Variants in MED17 observed in about 807,000 individuals in gnomAD.
MED17 encodes mediator complex subunit 17.
A neutral mutation model predicts 80.8 loss-of-function variants in MED17; 49 were observed. The observed-to-expected ratio is 0.61, with a 90% CI of 0.48 to 0.77. MED17 has a LOEUF of 0.77. Among genes scored for constraint, MED17 ranks in the 30% least tolerant of loss-of-function variants. The pLI, the probability that MED17 is intolerant of heterozygous loss-of-function variation, is 0.00. For synonymous variants in MED17, 281 were observed against 280.4 expected (o/e 1.00, Z -0.02); for missense variants, 718 against 787.0 (o/e 0.91, Z 1.05).
intron 9 of MED17, among the ~76,000 whole-genome samples, chr11:93,803,752 G>C (rs1943987060): frequency 6.6e-6 from 1 of 151,936 alleles, no homozygotes. Flanking sequence ...GAATTGTTTA[G>C]ACTTAGAACT....
chr11:93,793,466 G>C, intron 3 of MED17: 1 of 371,886 alleles, frequency 2.7e-6, no homozygotes, highest in Non-Finnish European at 4.9e-6. Flanking sequence ...AAACAATTTG[G>C]ATTTTCTGTG....
At chr11:93,794,199 A>T (rs1044717683) in intron 5 of MED17, 164 bp downstream of exon 5, 20 of 328,206 alleles carry the variant, frequency 6.1e-5, no homozygotes, top group African/African-American at 1.4e-4. Flanking sequence ...TAGCTGTGCA[A>T]TTTTTTTTTT....
chr11:93,807,270 G>A (rs1424639467), intron 9 of MED17: 10 of 405,536 alleles, frequency 2.5e-5, no homozygotes, highest in Admixed American at 3.9e-5. Context: ...AAAATTAGCC[G>A]GGCATGATGG....
intron 8 of MED17, 156 bp from the exon 9 acceptor site, chr11:93,801,679 A>C (rs1325808160): frequency 3.4e-5 from 23 of 675,874 alleles, no homozygotes; most frequent in Non-Finnish European, 5.9e-5. Context: ...AAGGGTTCTT[A>C]GAGCTACCTC....
chr11:93,812,838 G>A lies in MED17; in HGVS notation c.*774G>A, dbSNP rs921607205. On this transcript the variant is annotated 3_prime_UTR_variant, in exon 12 of 12. Coordinates refer to ENST00000251871, the MANE Select transcript of MED17 (RefSeq NM_004268.5). ...AAGAACATCCTCAGAAAGGACAGCT[G>A]AAGGCAATAGGAGGCAGATTATCTC... 2 of 152,282 alleles carry A rather than the reference G, an allele frequency of 1.3e-5. No individual in the cohort carries two copies. The highest frequency in any genetic ancestry group is 2.9e-5 in the Non-Finnish European group (2 of 68,130). The allele number at this position is 152,282 out of a possible 1,614,324, so 9.4% of individuals were successfully genotyped here. A position where few individuals can be genotyped will look rare whatever the true frequency, so the allele number is the denominator to read the frequency against.
intron 9 of MED17, chr11:93,807,175 G>A (rs1169019292): frequency 4.3e-6 from 1 of 233,042 alleles, no homozygotes; most frequent in East Asian, 1.1e-4. Flanking sequence ...ACTTTGGGAG[G>A]CCGAGGCAGG....
intron 2 of MED17, chr11:93,790,297 G>T (rs746534092): frequency 3.8e-6 from 2 of 526,898 alleles, no homozygotes; most frequent in South Asian, 3.1e-5. Context: ...AGGAATGGCA[G>T]TACATTAAGA....
intron 1 of MED17, 135 bp from the exon 2 acceptor site, chr11:93,787,866 T>C: frequency 1.3e-6 from 1 of 776,206 alleles, no homozygotes; most frequent in South Asian, 1.5e-5. Flanking sequence ...GTAGAGGAGA[T>C]GGCATAAATA....
intron 8 of MED17, chr11:93,801,045 G>T (rs992420414): frequency 1.3e-5 from 2 of 152,192 alleles, no homozygotes; most frequent in African/African-American, 4.8e-5. Context: ...TGATTAGTGT[G>T]TATAAGATTA....
chr11:93,802,486 A>T (rs1943973135), intron 9 of MED17, among the ~76,000 whole-genome samples: 1 of 152,160 alleles, frequency 6.6e-6, no homozygotes, highest in South Asian at 2.1e-4. Context: ...ATGAGAGGTA[A>T]CAATGTCTAA....
At chr11:93,788,222 C>A (rs951193666) in intron 2 of MED17, 55 bp downstream of exon 2, 3 of 1,484,202 alleles carry the variant, frequency 2.0e-6, no homozygotes, top group Non-Finnish European at 2.8e-6. Flanking sequence ...TCCCAGGACC[C>A]TTTTTTGGCT....
intron 2 of MED17, chr11:93,789,489 T>G (rs534150010): frequency 1.5e-4 from 23 of 152,352 alleles, no homozygotes; most frequent in African/African-American, 5.0e-4. Flanking sequence ...ATCAAAAGAT[T>G]ATTTTGATAT....
chr11:93,798,099 C>G (rs933192949), intron 8 of MED17, among the ~76,000 whole-genome samples: 1 of 152,098 alleles, frequency 6.6e-6, no homozygotes, highest in African/African-American at 2.4e-5. Context: ...AGGGCACTTT[C>G]CTTATGTTAA....
intron 11 of MED17, 81 bp from the exon 12 acceptor site, chr11:93,811,772 A>G (rs1944087008): frequency 7.9e-7 from 1 of 1,271,054 alleles, no homozygotes; most frequent in South Asian, 1.2e-5. Flanking sequence ...TATTCACAGT[A>G]GAATGGAGTT....
chr11:93,814,518 G>A lies in MED17; in HGVS notation c.*2454G>A, dbSNP rs17652258. Reference sequence around the variant, plus strand: ...TGGCTTGCTGTATGAACTTGGCAAGGATTCTCTGTGAACTTGTTTCCTTAT... The same window carrying A: ...TGGCTTGCTGTATGAACTTGGCAAGAATTCTCTGTGAACTTGTTTCCTTAT... On this transcript the variant is annotated 3_prime_UTR_variant, in exon 12 of 12. Coordinates refer to ENST00000251871, the MANE Select transcript of MED17 (RefSeq NM_004268.5). 1 of 152,100 alleles carries A rather than the reference G, an allele frequency of 6.6e-6. No individual in the cohort carries two copies. The highest frequency in any genetic ancestry group is 2.4e-5 in the African/African-American group (1 of 41,428). 9.4% of individuals were successfully genotyped at this position (152,100 alleles called of 1,614,324 possible).
intron 8 of MED17, among the ~76,000 whole-genome samples, chr11:93,799,152 A>AGGCTG (rs1943935312): frequency 6.6e-6 from 1 of 151,654 alleles, no homozygotes; most frequent in African/African-American, 2.4e-5. Context: ...CCTGGGCAAC[A>AGGCTG]TAGTGAGACC....
rs34380494 is a variant in MED17, at chr11:93,807,533, A to G, written c.1482A>G (p.Gln494=). 3,384 of 1,601,822 alleles carry G rather than the reference A, an allele frequency of 2.1e-3. 65 individuals are homozygous for G. In the African/African-American group the frequency reaches 0.037, roughly 17 times the overall value. Residue 494 remains glutamine, a synonymous_variant, in exon 10 of 12, where the codon CAA becomes CAG. Transcript: ENST00000251871. ...GTCTATAAAGGTCCATTCAACTGCA[A>G]TTGAATATTGGAGTTGAGCAGATTC... ...YEQICKSIQL[Q]LNIGVEQIRV...
chr11:93,794,335 G>A (rs1481826076), intron 5 of MED17: 1 of 313,590 alleles, frequency 3.2e-6, no homozygotes, highest in East Asian at 8.4e-5. Flanking sequence ...CTCCCGAGTA[G>A]CTGGGATTAC....
chr11:93,786,053 A>G (rs760371455), intron 1 of MED17, among the ~76,000 whole-genome samples: 1 of 152,214 alleles, frequency 6.6e-6, no homozygotes, highest in South Asian at 2.1e-4. Context: ...TAGATATATT[A>G]CTTACATAAA....
Sources: allele counts gnomAD v4.1 joint callset (sites outside exome capture counted in the v4.1 genomes callset), GRCh38; gene constraint gnomAD v4.1.1; transcripts MANE v1.5; gene names NCBI Gene and HGNC (gene_info 2026-07-23, HGNC 2026-07-21).